The following GYS2 variants were observed in gnomAD, a reference collection of about 807,000 sequenced individuals.
GYS2 encodes glycogen [starch] synthase, liver.
In GYS2, 80 loss-of-function variants were observed where a neutral mutation model predicts 85.6. The observed-to-expected ratio is 0.93, with a 90% CI of 0.78 to 1.13. The LOEUF (loss-of-function observed/expected upper bound fraction) is 1.13. Ranked by LOEUF, GYS2 falls within the 50% of genes most tolerant of loss-of-function variation. GYS2 has a pLI of 0.00. For synonymous variants in GYS2, 328 were observed against 300.7 expected, an observed-to-expected ratio of 1.09 and a Z score of -0.94; for missense variants, 881 against 854.9, an observed-to-expected ratio of 1.03 and a Z score of -0.38.
At chr12:21,555,450 A>T (rs557770315) in intron 11 of GYS2, among the ~76,000 whole-genome samples, 28 of 152,318 alleles carry the variant, frequency 1.8e-4, no homozygotes, top group African/African-American at 6.0e-4. Context: ...CAAATGAGAA[A>T]ATAAAAACCA....
At chr12:21,574,098 A>G (rs746746871) in intron 4 of GYS2, 46 bp downstream of exon 4, 1 of 1,428,552 alleles carries the variant, frequency 7.0e-7, no homozygotes, top group Non-Finnish European at 9.9e-7. Context: ...AGCTTCAGCA[A>G]TCTGAAAGAA....
intron 2 of GYS2, 91 bp from the exon 3 acceptor site, chr12:21,576,148 G>A: frequency 4.1e-6 from 4 of 965,288 alleles, no homozygotes; most frequent in South Asian, 1.3e-5. Flanking sequence ...ACTTTATGTA[G>A]TACTCAATAG....
chr12:21,563,083 C>T (rs776195713), intron 6 of GYS2, 45 bp from the exon 7 acceptor site: 1 of 1,428,428 alleles, frequency 7.0e-7, no homozygotes, highest in Non-Finnish European at 9.9e-7. Flanking sequence ...AATACAGCAA[C>T]AGTAACAAAA....
At chr12:21,596,498 T>A (rs1489121180) in intron 1 of GYS2, among the ~76,000 whole-genome samples, 1 of 151,996 alleles carries the variant, frequency 6.6e-6, no homozygotes, top group Non-Finnish European at 1.5e-5. Flanking sequence ...AAAACAAAAA[T>A]TACATGATCA....
rs1944443117 is a variant in GYS2, at chr12:21,576,038, AG to A, written c.322del (p.Leu108Ter). 6.2e-7 allele frequency: 1 copy of A among 1,613,046 alleles called. No homozygotes were observed. The highest frequency in any genetic ancestry group is 1.3e-5 in the African/African-American group (1 of 74,896). ...HGCQVHFGRW[L>X]IEGSPYVVLF... ...TACCACATAAGGACTTCCTTCTATC[AG>A]CCATCTTCCAAAATGCACCTGTCAT... On this transcript the variant is annotated frameshift_variant, in exon 3 of 16. Transcript: ENST00000261195. LOFTEE classifies it high-confidence loss of function.
intron 15 of GYS2, among the ~76,000 whole-genome samples, chr12:21,539,007 A>T (rs889748244): frequency 1.1e-4 from 17 of 152,024 alleles, no homozygotes; most frequent in African/African-American, 4.1e-4. Flanking sequence ...ATAAATGTCC[A>T]TCAGAACCAT....
chr12:21,592,019 A>C (rs574608008), intron 1 of GYS2, among the ~76,000 whole-genome samples: 24 of 152,222 alleles, frequency 1.6e-4, no homozygotes, highest in Non-Finnish European at 2.5e-4. Context: ...GTGACAGGAC[A>C]CTGCCATTAT....
Position 21,556,748 on chromosome 12 carries a change from A to G in GYS2, c.1422+1452T>C, listed in dbSNP as rs1026252471. ...TAAATACTAAAGCCAAGAGGCTATT[A>G]TTCTTGAATTTTCCCTCTTTCTTAC... is the stretch of plus-strand genomic sequence containing the variant. On this transcript the variant is annotated intron_variant, in intron 11 of 15. Transcript: ENST00000261195. Among the ~76,000 whole-genome samples, 91 of 152,038 alleles carry G rather than the reference A, an allele frequency of 6.0e-4. 1 individual carries two copies. Among genetic ancestry groups the G allele is most frequent in the Admixed American group, 2.7e-3 (41 of 15,280 alleles).
chr12:21,553,512 A>C (rs1265408825), intron 11 of GYS2, among the ~76,000 whole-genome samples: 1 of 152,208 alleles, frequency 6.6e-6, no homozygotes, highest in Non-Finnish European at 1.5e-5. Context: ...GGACTGGCAG[A>C]AACTGGTACC....
In GYS2 at chr12:21,537,249, C is replaced by T. The variant is rs567523097; in HGVS notation, c.1891-74G>A. 70 of 1,011,962 alleles carry T rather than the reference C, an allele frequency of 6.9e-5. 1 individual carries two copies. The South Asian group carries it at 8.9e-4, about 13-fold the overall frequency. The allele number at this position is 1,011,962 out of a possible 1,614,324, so 62.7% of individuals were successfully genotyped here. On this transcript the variant is annotated intron_variant, in intron 15 of 15. Coordinates refer to ENST00000261195, the MANE Select transcript of GYS2 (RefSeq NM_021957.4). Reference sequence around the variant, plus strand: ...TTCAACGATGTAAATACTATGCATGCACTATCAATTTTTTAAGTAGTTATC... The same window carrying T: ...TTCAACGATGTAAATACTATGCATGTACTATCAATTTTTTAAGTAGTTATC...
At chr12:21,564,416 G>A (rs1212432060) in intron 5 of GYS2, among the ~76,000 whole-genome samples, 1 of 145,304 alleles carries the variant, frequency 6.9e-6, no homozygotes, top group Non-Finnish European at 1.5e-5. Context: ...GGGTGACAGA[G>A]TGAGACTCCA....
At position 21,603,752 on chromosome 12, in the gene GYS2, T is replaced by C. The variant is rs140501416; in HGVS notation, c.121+720A>G. On this transcript the variant is annotated intron_variant, in intron 1 of 15. Transcript: ENST00000261195. ...CTTGACACTTTTAAACTAGAGAGTA[T>C]AAACCCACAAGGAATTGTTTTATAA... Among the ~76,000 whole-genome samples the C allele has an allele frequency of 3.3e-3, 497 of 152,246 alleles. 2 individuals carry two copies. The highest frequency in any genetic ancestry group is 0.011 in the African/African-American group (476 of 41,546).
intron 1 of GYS2, among the ~76,000 whole-genome samples, chr12:21,586,209 C>A (rs949452396): frequency 2.6e-5 from 4 of 151,984 alleles, no homozygotes; most frequent in Non-Finnish European, 5.9e-5. Context: ...AGAAAAAAAA[C>A]ATGTGAAAAT....
Position 21,585,008 on chromosome 12 carries a change from G to T in GYS2, c.122-4485C>A, listed in dbSNP as rs11831369. 3.6e-3 allele frequency among the ~76,000 whole-genome samples: 545 copies of T among 152,262 alleles called. 1 individual carries two copies. The highest frequency in any genetic ancestry group is 0.012 in the African/African-American group (504 of 41,528). On this transcript the variant is annotated intron_variant, in intron 1 of 15. Transcript: ENST00000261195. ...GCCAACTAGGTGACAATACTTTGCA[G>T]GCCTGGGGCAAAGTTCTCCAGAAGG...
intron 14 of GYS2, 29 bp from the exon 15 acceptor site, chr12:21,539,367 A>C (rs1416784060): frequency 8.2e-7 from 1 of 1,222,464 alleles, no homozygotes; most frequent in Non-Finnish European, 1.2e-6. Context: ...ATCACAGGTT[A>C]ATAAAAACCC....
chr12:21,545,958 T>C (rs1944033802), intron 12 of GYS2, among the ~76,000 whole-genome samples: 1 of 152,222 alleles, frequency 6.6e-6, no homozygotes, highest in South Asian at 2.1e-4. Context: ...AAGAACAACA[T>C]TGCTAGACTA....
intron 14 of GYS2, among the ~76,000 whole-genome samples, chr12:21,539,868 C>T (rs184405431): frequency 6.6e-6 from 1 of 152,324 alleles, no homozygotes; most frequent in East Asian, 1.9e-4. Flanking sequence ...GTGTTCAGCA[C>T]TGTGCAAACA....
chr12:21,560,409 T>C lies in GYS2; in HGVS notation c.1146A>G (p.Gly382=), dbSNP rs1944238305. 6.2e-7 allele frequency: 1 copy of C among 1,602,608 alleles called. No homozygotes were observed. Among genetic ancestry groups the C allele is most frequent in the Non-Finnish European group, 8.6e-7 (1 of 1,169,584 alleles). Residue 382 remains glycine, a synonymous_variant, in exon 8 of 16, where the codon GGA becomes GGG. Transcript: ENST00000261195. Reference sequence around the variant, plus strand: ...ACCACAGCTGTTTTCGCACTGCTTGTCCTTTCAGGGTTTCCACGTTGAAAT... The same window carrying C: ...ACCACAGCTGTTTTCGCACTGCTTGCCCTTTCAGGGTTTCCACGTTGAAAT... The part of the protein sequence containing the change: ...TNNFNVETLK[G]QAVRKQLWDV...
chr12:21,565,629 T>G (rs1944310382), intron 5 of GYS2, among the ~76,000 whole-genome samples: 1 of 150,726 alleles, frequency 6.6e-6, no homozygotes, highest in Admixed American at 6.6e-5. Flanking sequence ...TTAGTTTATA[T>G]AAATACATGT....
Sources: gnomAD v4.1 joint callset for allele counts (sites outside exome capture counted in the v4.1 genomes callset) on GRCh38, gnomAD v4.1.1 for gene constraint, MANE v1.5 for transcripts, NCBI Gene and HGNC (gene_info 2026-07-23, HGNC 2026-07-21) for gene names.